KLF7: variants seen among roughly 807,000 people sequenced by gnomAD.
The protein encoded by KLF7 is Krueppel-like factor 7.
In KLF7, 2 loss-of-function variants were observed where a neutral mutation model predicts 27.3. The observed-to-expected ratio is 0.07, with a 90% confidence interval of 0.03 to 0.23. The LOEUF (loss-of-function observed/expected upper bound fraction) is 0.23, where lower values mean the gene tolerates loss of function less well. Among genes scored for constraint, KLF7 ranks in the 10% least tolerant of loss-of-function variants. The pLI, the probability that KLF7 is intolerant of heterozygous loss-of-function variation, is 1.00. For missense variants in KLF7, 221 were observed against 394.1 expected (o/e 0.56, Z 3.72); for synonymous variants, 165 against 162.4 (o/e 1.02, Z -0.12).
At chr2:207,166,256 G>A, upstream of KLF7, 3 of 907,282 alleles carry the variant, frequency 3.3e-6, no homozygotes, top group Non-Finnish European at 4.0e-6. Context: ...GCAGAGCCTG[G>A]GGCGGGGCTT....
At chr2:207,091,584 A>T (rs1348887953) in intron 2 of KLF7, among the ~76,000 whole-genome samples, 1 of 152,270 alleles carries the variant, frequency 6.6e-6, no homozygotes, top group Non-Finnish European at 1.5e-5. Flanking sequence ...CTAATAAAAA[A>T]TTTAAAATAA....
chr2:207,081,082 T>A lies in KLF7; in HGVS notation c.*131A>T. The A allele has an allele frequency of 1.3e-6, 1 of 743,072 alleles. No homozygotes were observed. The allele number at this position is 743,072 out of a possible 1,614,324, so 46.0% of individuals were successfully genotyped here. The stretch of plus-strand genomic sequence containing the variant: ...GTATATGTGTGTGTGTGTGTGTGTG[T>A]GTACAGAGGTTTATAAGTGAGAACT... On this transcript the variant is annotated 3_prime_UTR_variant, in exon 4 of 4. Transcript: ENST00000309446.
intron 2 of KLF7, among the ~76,000 whole-genome samples, chr2:207,105,252 C>G (rs922496262): frequency 7.2e-5 from 11 of 152,194 alleles, no homozygotes; most frequent in African/African-American, 2.7e-4. Context: ...TTCTACCTGC[C>G]GCCCCTTTCT....
chr2:207,099,208 A>G (rs939103891), intron 2 of KLF7, among the ~76,000 whole-genome samples: 14 of 152,104 alleles, frequency 9.2e-5, no homozygotes, highest in African/African-American at 3.4e-4. Flanking sequence ...AGAAAAAGAT[A>G]ATCAGAGAGC....
Position 207,083,914 on chromosome 2 carries a change from G to C in KLF7, c.858-2650C>G, listed in dbSNP as rs1014670423. ...TGGGCAGCTTCTAGAAGCTGGAAAA[G>C]GAAAGGAAATGGATATTCCCCTAGA... On this transcript the variant is annotated intron_variant, in intron 3 of 3. Coordinates refer to ENST00000309446, the MANE Select transcript of KLF7 (RefSeq NM_003709.4). Among the ~76,000 whole-genome samples the C allele has an allele frequency of 3.3e-5, 5 of 152,232 alleles. No homozygotes were observed. The East Asian group carries it at 5.8e-4, about 18-fold the overall frequency.
chr2:207,146,182 G>C (rs944096192), intron 1 of KLF7, among the ~76,000 whole-genome samples: 1 of 152,096 alleles, frequency 6.6e-6, no homozygotes, highest in Non-Finnish European at 1.5e-5. Context: ...ATGCAGCCAG[G>C]GTGTTTTTGA....
rs764850875 is a variant in KLF7 at position 207,124,287 on chromosome 2, A to C, written c.220T>G (p.Phe74Val). The C allele has an allele frequency of 1.2e-6, 2 of 1,613,968 alleles. No homozygotes were observed. Among genetic ancestry groups the C allele is most frequent in the Non-Finnish European group, 1.7e-6 (2 of 1,180,004 alleles). The part of the protein sequence containing the change: ...ASPPPCIEES[F>V]RRLDPLLLPV... ...AGCAGCAGGGGGTCTAAGCGACGGA[A>C]GCTTTCCTCAATGCACGGGGGAGGG... The change falls in exon 2 of 4, where the codon TTC becomes GTC. Residue 74 changes from phenylalanine (F) to valine (V), a missense_variant. Phe to Val is a conservative substitution (Grantham distance 50). Transcript: ENST00000309446.
chr2:207,141,136 C>T lies in KLF7; in HGVS notation c.103-16732G>A, dbSNP rs541042490. 3.0e-4 allele frequency among the ~76,000 whole-genome samples: 46 copies of T among 152,114 alleles called. 1 individual carries two copies. The highest frequency in any genetic ancestry group is 1.1e-3 in the African/African-American group (45 of 41,482). ...CCTTCCCAATGGTATGAAAATCCTC[C>T]GTGAATATAATAAATTTCTCATGAC... is the stretch of plus-strand genomic sequence containing the variant. On this transcript the variant is annotated intron_variant, in intron 1 of 3. Coordinates refer to ENST00000309446, the MANE Select transcript of KLF7 (RefSeq NM_003709.4).
At position 207,075,674 on chromosome 2, in the gene KLF7, G is replaced by A. The variant is rs950693489; in HGVS notation, c.*5539C>T. On this transcript the variant is annotated 3_prime_UTR_variant, in exon 4 of 4. Transcript: ENST00000309446. Reference sequence around the variant, plus strand: ...GGAAGTGGGAGAAGGAGCTTGACGCGGGGGCGGGTGGGGGCTTGTGGAAAG... The same window carrying A: ...GGAAGTGGGAGAAGGAGCTTGACGCAGGGGCGGGTGGGGGCTTGTGGAAAG... 6.6e-6 allele frequency: 1 copy of A among 152,112 alleles called. No homozygotes were observed. Among genetic ancestry groups the A allele is most frequent in the African/African-American group, 2.4e-5 (1 of 41,414 alleles). The allele number at this position is 152,112 out of a possible 1,614,324, so 9.4% of individuals were successfully genotyped here.
chr2:207,122,573 G>T (rs897479047), intron 2 of KLF7, among the ~76,000 whole-genome samples: 2 of 152,180 alleles, frequency 1.3e-5, no homozygotes, highest in East Asian at 3.9e-4. Context: ...ATGAGGCCTG[G>T]TGAGGTAAAG....
At chr2:207,082,730 C>T (rs1410799325) in intron 3 of KLF7, among the ~76,000 whole-genome samples, 2 of 152,140 alleles carry the variant, frequency 1.3e-5, no homozygotes, top group Non-Finnish European at 2.9e-5. Context: ...CCTGAGACAC[C>T]CCTACAGTCC....
At chr2:207,140,403 A>T (rs903294293) in intron 1 of KLF7, among the ~76,000 whole-genome samples, 4 of 152,228 alleles carry the variant, frequency 2.6e-5, no homozygotes, top group Non-Finnish European at 5.9e-5. Context: ...TTTTTCTCCC[A>T]GTCCTTAGAG....
chr2:207,113,609 G>GT (rs1559131765), intron 2 of KLF7, among the ~76,000 whole-genome samples: 1 of 55,832 alleles, frequency 1.8e-5, no homozygotes, highest in African/African-American at 8.7e-5. Flanking sequence ...ATGGGGGGTG[G>GT]GGGGGGGGGG....
intron 1 of KLF7, among the ~76,000 whole-genome samples, chr2:207,136,731 C>G (rs2077800059): frequency 6.6e-6 from 1 of 152,132 alleles, no homozygotes; most frequent in South Asian, 2.1e-4. Context: ...AAAAGACATC[C>G]AAAACATACT....
chr2:207,167,179 T>G, upstream of KLF7: 1 of 1,413,936 alleles, frequency 7.1e-7, no homozygotes, highest in South Asian at 1.5e-5. Flanking sequence ...GCTTCGATGG[T>G]GAGAGGAGGA....
intron 1 of KLF7, among the ~76,000 whole-genome samples, chr2:207,144,412 A>G (rs1215291001): frequency 2.6e-5 from 4 of 152,192 alleles, no homozygotes; most frequent in Non-Finnish European, 4.4e-5. Context: ...CCAAATGAAC[A>G]CTTATACATT....
At chr2:207,149,333 C>T (rs2078178813) in intron 1 of KLF7, 1 of 341,378 alleles carries the variant, frequency 2.9e-6, no homozygotes, top group Non-Finnish European at 5.6e-6. Context: ...TGCTGAGGTT[C>T]AGCAGGGGTG....
intron 2 of KLF7, among the ~76,000 whole-genome samples, chr2:207,117,010 G>A (rs1037235504): frequency 7.9e-5 from 12 of 152,136 alleles, no homozygotes; most frequent in Admixed American, 3.3e-4. Context: ...TACAGTGGGT[G>A]TTCGAAAATA....
intron 2 of KLF7, among the ~76,000 whole-genome samples, chr2:207,096,490 A>G (rs949931994): frequency 1.3e-5 from 2 of 152,202 alleles, no homozygotes; most frequent in Admixed American, 6.5e-5. Flanking sequence ...AAGAAATGAC[A>G]TTTAAGCTGA....
Sources: gnomAD v4.1 joint callset for allele counts (sites outside exome capture counted in the v4.1 genomes callset) on GRCh38, gnomAD v4.1.1 for gene constraint, MANE v1.5 for transcripts, NCBI Gene and HGNC (gene_info 2026-07-23, HGNC 2026-07-21) for gene names.